Variants in GARRE1 observed in about 807,000 individuals in gnomAD.
GARRE1 encodes the protein granule associated Rac and RHOG effector protein 1.
A neutral mutation model predicts 103.2 loss-of-function variants in GARRE1; 49 were observed. The ratio of observed to expected loss-of-function variants is 0.47; its 90% CI spans 0.38 to 0.60. GARRE1 has a LOEUF of 0.60. Ranked by LOEUF, GARRE1 falls within the 20% of genes least tolerant of loss-of-function variation. The probability of loss-of-function intolerance (pLI) is 0.00; values close to 1 mark genes in which losing one functional copy is unlikely to be tolerated. For missense variants in GARRE1, 1,199 were observed against 1,370.5 expected, an observed-to-expected ratio of 0.87 and a Z score of 1.98; for synonymous variants, 505 against 532.8, an observed-to-expected ratio of 0.95 and a Z score of 0.72.
chr19:34,293,744 A>ACACACACACACAC (rs71165642), intron 1 of GARRE1, among the ~76,000 whole-genome samples: 3 of 121,086 alleles, frequency 2.5e-5, no homozygotes, highest in South Asian at 2.8e-4. Context: ...ACACACACAC[A>ACACACACACACAC]TATTTCTTTT....
chr19:34,310,027 G>T (rs1374346351), intron 2 of GARRE1, among the ~76,000 whole-genome samples: 2 of 152,180 alleles, frequency 1.3e-5, no homozygotes, highest in African/African-American at 4.8e-5. Flanking sequence ...TGCTAATTTT[G>T]GGGACTAGTG....
intron 3 of GARRE1, among the ~76,000 whole-genome samples, chr19:34,320,354 T>C (rs563076640): frequency 4.3e-4 from 66 of 152,290 alleles, no homozygotes; most frequent in Non-Finnish European, 7.3e-4. Flanking sequence ...AGAATAGGCT[T>C]ACAAAAACAG....
chr19:34,341,022 G>A (rs910659073), intron 9 of GARRE1, among the ~76,000 whole-genome samples: 1 of 152,146 alleles, frequency 6.6e-6, no homozygotes, highest in Admixed American at 6.6e-5. Flanking sequence ...TAGTATCCCT[G>A]CATCCCCCCA....
At chr19:34,271,246 T>TA (rs1227853019) in intron 1 of GARRE1, among the ~76,000 whole-genome samples, 1 of 127,422 alleles carries the variant, frequency 7.8e-6, no homozygotes, top group South Asian at 2.6e-4. Context: ...GTGCACTTTC[T>TA]TTTTTTTTTT....
chr19:34,316,150 C>T (rs1410346921), intron 2 of GARRE1, among the ~76,000 whole-genome samples: 1 of 152,202 alleles, frequency 6.6e-6, no homozygotes, highest in East Asian at 1.9e-4. Flanking sequence ...TTCTTTATCT[C>T]TGTAAACTTC....
chr19:34,346,834 T>A (rs2074213704), intron 10 of GARRE1, among the ~76,000 whole-genome samples: 1 of 152,164 alleles, frequency 6.6e-6, no homozygotes, highest in Non-Finnish European at 1.5e-5. Flanking sequence ...GCCTGGCTGG[T>A]CTCGAACTCC....
intron 1 of GARRE1, among the ~76,000 whole-genome samples, chr19:34,267,801 T>G (rs1191949173): frequency 6.7e-6 from 1 of 149,800 alleles, no homozygotes; most frequent in African/African-American, 2.5e-5. Flanking sequence ...TTTGATGGAG[T>G]CTCGCTCTGT....
intron 1 of GARRE1, among the ~76,000 whole-genome samples, chr19:34,296,843 A>G (rs1437531867): frequency 1.3e-5 from 2 of 152,024 alleles, no homozygotes; most frequent in Non-Finnish European, 2.9e-5. Flanking sequence ...AGAGTCTTGC[A>G]GTGTTGCCCA....
chr19:34,268,659 T>A (rs1409556673), intron 1 of GARRE1, among the ~76,000 whole-genome samples: 1 of 152,126 alleles, frequency 6.6e-6, no homozygotes, highest in East Asian at 1.9e-4. Context: ...TGTTCACTAT[T>A]TTTCTTTGTA....
chr19:34,342,267 G>A lies in GARRE1; in HGVS notation c.2333G>A (p.Trp778Ter). 6.2e-7 allele frequency: 1 copy of A among 1,614,210 alleles called. No homozygotes were observed. The highest frequency in any genetic ancestry group is 8.5e-7 in the Non-Finnish European group (1 of 1,180,034). The stretch of plus-strand genomic sequence containing the variant: ...GCAGGTCTGTCTCCTCTTGGTCAGT[G>A]GCCTGGCATATCTGATCTCAGTTCT... ...VGAGLSPLGQ[W>*]PGISDLSSDL... Residue 778 changes from tryptophan to a stop codon, truncating the protein, a stop_gained, in exon 10 of 14, where the codon TGG becomes TAG. Coordinates refer to ENST00000299505, the MANE Select transcript of GARRE1 (RefSeq NM_014686.5). LOFTEE classifies it high-confidence loss of function.
intron 10 of GARRE1, among the ~76,000 whole-genome samples, chr19:34,344,397 C>T (rs1035352196): frequency 3.2e-4 from 48 of 151,742 alleles, no homozygotes; most frequent in South Asian, 2.1e-4. Flanking sequence ...GAGACCATCC[C>T]GGCTAAAACG....
intron 9 of GARRE1, among the ~76,000 whole-genome samples, chr19:34,340,365 C>A (rs963688531): frequency 3.3e-5 from 5 of 152,298 alleles, no homozygotes; most frequent in African/African-American, 9.6e-5. Flanking sequence ...TCAATCAGTT[C>A]TCTCAGGTTG....
In GARRE1 at chr19:34,327,911, C is replaced by T. The variant is rs56236221; in HGVS notation, c.942+45C>T. ...AGCTCTGGGGACCTATGGCGCTGCT[C>T]CTGCAGTCTAGTGTGAACCAAGTGT... On this transcript the variant is annotated intron_variant, in intron 5 of 13. Transcript: ENST00000299505. The T allele has an allele frequency of 3.2e-3, 5,106 of 1,612,902 alleles. 132 individuals carry two copies. In the African/African-American group the frequency reaches 0.061, roughly 19 times the overall value.
chr19:34,355,565 T>C lies in GARRE1; in HGVS notation c.*2610T>C, dbSNP rs1004482608. ...TTTATTAAAAATATACATTTAATAA[T>C]ACTTTGTATCCTTGTTTAAAATGAA... On this transcript the variant is annotated 3_prime_UTR_variant, in exon 14 of 14. Transcript: ENST00000299505. 6.6e-6 allele frequency: 1 copy of C among 152,670 alleles called. No individual in the cohort carries two copies. The highest frequency in any genetic ancestry group is 6.5e-5 in the Admixed American group (1 of 15,280). The allele number at this position is 152,670 out of a possible 1,614,324, so 9.5% of individuals were successfully genotyped here.
At chr19:34,279,455 AT>A (rs1247983100) in intron 1 of GARRE1, among the ~76,000 whole-genome samples, 36 of 144,066 alleles carry the variant, frequency 2.5e-4, no homozygotes, top group Admixed American at 2.8e-4. Context: ...ACGCCTGGCT[AT>A]TTTTTTTTTT....
At chr19:34,324,743 G>A (rs2074104292) in intron 3 of GARRE1, among the ~76,000 whole-genome samples, 1 of 152,056 alleles carries the variant, frequency 6.6e-6, no homozygotes, top group Non-Finnish European at 1.5e-5. Flanking sequence ...CTAGGCTCCT[G>A]CACCCGGTCT....
chr19:34,304,415 G>A (rs1375053380), intron 2 of GARRE1, among the ~76,000 whole-genome samples: 1 of 123,092 alleles, frequency 8.1e-6, no homozygotes, highest in Non-Finnish European at 1.6e-5. Context: ...TTGCTCTGTT[G>A]CCCGGGCTAG....
chr19:34,316,649 G>T (rs1240570392), intron 2 of GARRE1, among the ~76,000 whole-genome samples: 1 of 152,216 alleles, frequency 6.6e-6, no homozygotes, highest in Admixed American at 6.5e-5. Context: ...GATATCTGAT[G>T]AAACAGCTGT....
rs1358596950 is a variant in GARRE1 at position 34,341,738 on chromosome 19, G to T, written c.1804G>T (p.Asp602Tyr). Residue 602 changes from aspartate (D) to tyrosine (Y), a missense_variant, in exon 10 of 14, where the codon GAC becomes TAC. Coordinates refer to ENST00000299505, the MANE Select transcript of GARRE1 (RefSeq NM_014686.5). The stretch of plus-strand genomic sequence containing the variant: ...CATTGGTAATTTCCCCAGGACTACA[G>T]ACCCTTCACAGTCAGCTCAGAATTC... ...LNIGNFPRTTDPSQSAQNSSN... is the reference protein window; with the variant it reads ...LNIGNFPRTTYPSQSAQNSSN... 1.2e-6 allele frequency: 2 copies of T among 1,614,094 alleles called. No individual in the cohort carries two copies. The highest frequency in any genetic ancestry group is 1.7e-6 in the Non-Finnish European group (2 of 1,180,042).
Sources: gnomAD v4.1 joint callset for allele counts (sites outside exome capture counted in the v4.1 genomes callset) on GRCh38, gnomAD v4.1.1 for gene constraint, MANE v1.5 for transcripts, NCBI Gene and HGNC (gene_info 2026-07-23, HGNC 2026-07-21) for gene names.